Variants in TRHDE observed in about 807,000 individuals in gnomAD.
TRHDE encodes the protein thyrotropin releasing hormone degrading enzyme, also known as thyrotropin-releasing hormone-degrading ectoenzyme.
In TRHDE, 72 loss-of-function variants were observed where a neutral mutation model predicts 125.7. The ratio of observed to expected loss-of-function variants is 0.57; its 90% confidence interval spans 0.47 to 0.70. TRHDE has a LOEUF of 0.70. TRHDE is among the 30% of genes least tolerant of loss of function. The pLI is 0.00. For missense variants in TRHDE, 1,110 were observed against 1,327.1 expected (o/e 0.84, Z 2.54); for synonymous variants, 509 against 509.1 (o/e 1.00, Z 0.00).
chr12:72,454,883 T>G (rs1467410263), intron 3 of TRHDE, among the ~76,000 whole-genome samples: 1 of 152,194 alleles, frequency 6.6e-6, no homozygotes, highest in Non-Finnish European at 1.5e-5. Context: ...TTGTTCATGG[T>G]CCTGCACTAC....
intron 2 of TRHDE, among the ~76,000 whole-genome samples, chr12:72,249,062 G>A (rs1565672492): frequency 6.6e-6 from 1 of 151,960 alleles, no homozygotes; most frequent in Non-Finnish European, 1.5e-5. Context: ...ATGCATCCTA[G>A]CACTAAATAT....
chr12:72,436,265 A>G (rs1874740638), intron 3 of TRHDE, among the ~76,000 whole-genome samples: 1 of 152,146 alleles, frequency 6.6e-6, no homozygotes, highest in South Asian at 2.1e-4. Context: ...TTGAATTTAT[A>G]GACTTAATTA....
chr12:72,279,564 A>G (rs547236727), intron 1 of TRHDE, among the ~76,000 whole-genome samples: 35 of 152,354 alleles, frequency 2.3e-4, no homozygotes, highest in African/African-American at 8.4e-4. Context: ...ACTAGGCAGA[A>G]TTTTGGAAAA....
At position 72,540,527 on chromosome 12, in the gene TRHDE, C is replaced by T. The variant is rs960858877; in HGVS notation, c.1723-1764C>T. 2.6e-5 allele frequency among the ~76,000 whole-genome samples: 4 copies of T among 151,700 alleles called. No individual in the cohort carries two copies. In the Admixed American group the frequency reaches 2.6e-4, roughly 10 times the overall value. ...AAACACCTAAATCATCTGAAGATGG[C>T]TATTCAGTGCTGAAGGAAAGTTTGA... On this transcript the variant is annotated intron_variant, in intron 6 of 18. Transcript: ENST00000261180.
chr12:72,478,711 C>A (rs1416008217), intron 5 of TRHDE, among the ~76,000 whole-genome samples: 2 of 151,904 alleles, frequency 1.3e-5, no homozygotes, highest in Non-Finnish European at 2.9e-5. Context: ...GCAGCTAATG[C>A]CATTAAAGCA....
At chr12:72,623,055 T>C (rs1209483080) in intron 15 of TRHDE, among the ~76,000 whole-genome samples, 1 of 152,002 alleles carries the variant, frequency 6.6e-6, no homozygotes, top group Non-Finnish European at 1.5e-5. Flanking sequence ...ACTATTTCAT[T>C]AGACCTGAAA....
At chr12:72,311,217 T>G (rs960809358) in intron 2 of TRHDE, among the ~76,000 whole-genome samples, 2 of 152,134 alleles carry the variant, frequency 1.3e-5, no homozygotes, top group African/African-American at 2.4e-5. Context: ...TTTTTTTCTT[T>G]TCCCACTGTT....
intron 2 of TRHDE, among the ~76,000 whole-genome samples, chr12:72,166,907 C>CGTGTGTGTGTGTGT (rs59590935): frequency 2.2e-5 from 3 of 139,234 alleles, no homozygotes; most frequent in Non-Finnish European, 4.7e-5. Context: ...GGTAGATGAA[C>CGTGTGTGTGTGTGT]GTGTGTGTGT....
At chr12:72,491,187 A>T (rs1186407112) in intron 5 of TRHDE, among the ~76,000 whole-genome samples, 1 of 151,900 alleles carries the variant, frequency 6.6e-6, no homozygotes, top group Non-Finnish European at 1.5e-5. Flanking sequence ...AAATAAATGA[A>T]AGCTAAATGA....
At chr12:72,544,176 A>G (rs1869295826) in intron 7 of TRHDE, among the ~76,000 whole-genome samples, 1 of 151,458 alleles carries the variant, frequency 6.6e-6, no homozygotes, top group Non-Finnish European at 1.5e-5. Flanking sequence ...GTGTATCATC[A>G]GCAGTTTGGA....
chr12:72,406,147 G>A (rs963884081), intron 3 of TRHDE, among the ~76,000 whole-genome samples: 1 of 152,090 alleles, frequency 6.6e-6, no homozygotes, highest in African/African-American at 2.4e-5. Flanking sequence ...TTCAAATACT[G>A]TGTTTACAAA....
At chr12:72,246,925 A>C (rs1376584313) in intron 2 of TRHDE, among the ~76,000 whole-genome samples, 2 of 152,242 alleles carry the variant, frequency 1.3e-5, no homozygotes, top group Non-Finnish European at 2.9e-5. Flanking sequence ...TGGGAAAGAA[A>C]AACTGTATTC....
At chr12:72,256,129 T>C (rs1878808961) in intron 2 of TRHDE, 1 of 152,226 alleles carries the variant, frequency 6.6e-6, no homozygotes, top group Admixed American at 6.5e-5. Context: ...TCAACTTTCA[T>C]GGCTCTTTCC....
chr12:72,474,882 T>A (rs1344533547), intron 5 of TRHDE, among the ~76,000 whole-genome samples: 1 of 152,158 alleles, frequency 6.6e-6, no homozygotes, highest in African/African-American at 2.4e-5. Context: ...GAAATTACTT[T>A]AACAAAAATG....
intron 2 of TRHDE, among the ~76,000 whole-genome samples, chr12:72,369,933 G>T (rs1871502193): frequency 6.6e-6 from 1 of 151,986 alleles, no homozygotes; most frequent in South Asian, 2.1e-4. Flanking sequence ...TGTTTATGAA[G>T]ATTTACTCTC....
chr12:72,374,241 T>G (rs1396727666), intron 2 of TRHDE, among the ~76,000 whole-genome samples: 1 of 150,626 alleles, frequency 6.6e-6, no homozygotes, highest in African/African-American at 2.4e-5. Context: ...GACAGCTGGA[T>G]AGAAGGAAAG....
chr12:72,220,459 T>G (rs1253236147), intron 2 of TRHDE, among the ~76,000 whole-genome samples: 1 of 152,122 alleles, frequency 6.6e-6, no homozygotes, highest in East Asian at 1.9e-4. Flanking sequence ...ATTTGTGTTG[T>G]TAGCCTGGCA....
intron 12 of TRHDE, among the ~76,000 whole-genome samples, chr12:72,583,240 A>G (rs1420069052): frequency 1.3e-5 from 2 of 152,194 alleles, no homozygotes; most frequent in Non-Finnish European, 2.9e-5. Flanking sequence ...ATTGTTGACT[A>G]TATGCTTCCA....
Position 72,273,095 on chromosome 12 carries a change from C to A in TRHDE, c.452C>A (p.Ser151Tyr), listed in dbSNP as rs558653169. 3 of 1,524,966 alleles carry A rather than the reference C, an allele frequency of 2.0e-6. No homozygotes were observed. In the South Asian group the frequency reaches 3.7e-5, roughly 19 times the overall value. The allele number at this position is 1,524,966 out of a possible 1,614,324, so 94.5% of individuals were successfully genotyped here. Residue 151 changes from serine (S) to tyrosine (Y), a missense_variant, in exon 1 of 19, where the codon TCC (serine) becomes TAC (tyrosine). By Grantham distance (144) the Ser-to-Tyr change is moderately radical. Coordinates refer to ENST00000261180, the MANE Select transcript of TRHDE (RefSeq NM_013381.3). The surrounding 1 kb of genome is among the most constrained non-coding windows in gnomAD (Gnocchi z 5.3). ...ARRNHHAGGD[S>Y]WQPEAGGVAS... ...CGCAACCACCACGCAGGCGGGGACT[C>A]CTGGCAGCCCGAGGCGGGTGGGGTG...
Sources: gnomAD v4.1 joint callset for allele counts (sites outside exome capture counted in the v4.1 genomes callset) on GRCh38, gnomAD v4.1.1 for gene constraint, Gnocchi (gnomAD v3.1) non-coding constraint, MANE v1.5 for transcripts, NCBI Gene and HGNC (gene_info 2026-07-23, HGNC 2026-07-21) for gene names.